ARHGEF28: variants seen among roughly 807,000 people sequenced by gnomAD.
ARHGEF28 encodes Rho guanine nucleotide exchange factor 28, also known as 190 kDa guanine nucleotide exchange factor.
In ARHGEF28, 152 loss-of-function variants were observed where a neutral mutation model predicts 206.6. That is an observed-to-expected ratio of 0.74 (90% confidence interval 0.64 to 0.84). The LOEUF (loss-of-function observed/expected upper bound fraction) is 0.84. Among genes scored for constraint, ARHGEF28 ranks in the 40% least tolerant of loss-of-function variants. ARHGEF28 has a pLI of 0.00. For missense variants in ARHGEF28, 2,028 were observed against 2,073.2 expected, an observed-to-expected ratio of 0.98 and a Z score of 0.42; for synonymous variants, 763 against 776.4, an observed-to-expected ratio of 0.98 and a Z score of 0.29.
chr5:73,768,181 G>T (rs1272697881), intron 4 of ARHGEF28, among the ~76,000 whole-genome samples: 1 of 151,980 alleles, frequency 6.6e-6, no homozygotes, highest in Non-Finnish European at 1.5e-5. Context: ...CCTCTGCTAG[G>T]GTAGTGTGGA....
Position 73,938,160 on chromosome 5 carries a change from CCACACACACACACACACACA to C in ARHGEF28, c.4949-2663_4949-2644del, listed in dbSNP as rs199804024. ...GTTCTGATTAAACTTCTACACTACACCACACACACACACACACACACACACACACACACACACACAACTCC... is the reference window on the plus strand; with the variant it reads ...GTTCTGATTAAACTTCTACACTACACCACACACACACACACACACAACTCC... On this transcript the variant is annotated intron_variant, in intron 35 of 35. Coordinates refer to ENST00000513042, the MANE Select transcript of ARHGEF28 (RefSeq NM_001177693.2). Among the ~76,000 whole-genome samples the C allele has an allele frequency of 4.9e-4, 69 of 139,644 alleles. No individual in the cohort carries two copies. In the Middle Eastern group the frequency reaches 0.026, roughly 53 times the overall value. The allele number at this position is 139,644 out of a possible 152,430, so 91.6% of individuals were successfully genotyped here.
intron 35 of ARHGEF28, among the ~76,000 whole-genome samples, chr5:73,918,323 A>T (rs1763328259): frequency 6.6e-6 from 1 of 152,166 alleles, no homozygotes; most frequent in African/African-American, 2.4e-5. Flanking sequence ...GTTCCAGTGA[A>T]CTTTCTAAAA....
Position 73,846,278 on chromosome 5 carries a change from GA to G in ARHGEF28, c.1439del (p.Asp480ValfsTer87). 3 of 1,612,926 alleles carry G rather than the reference GA, an allele frequency of 1.9e-6. No individual in the cohort carries two copies. The highest frequency in any genetic ancestry group is 2.5e-6 in the Non-Finnish European group (3 of 1,179,594). On this transcript the variant is annotated frameshift_variant, in exon 12 of 36. Coordinates refer to ENST00000513042, the MANE Select transcript of ARHGEF28 (RefSeq NM_001177693.2). LOFTEE classifies it high-confidence loss of function. The part of the protein sequence containing the change: ...SHLKKRSSSL[D>X]ALDADSEGEG... ...GGCTTTGTGCTTTAGTTCTAGCCTT[GA>G]TGCCTTGGACGCCGACAGTGAAGGG...
intron 2 of ARHGEF28, among the ~76,000 whole-genome samples, chr5:73,698,549 C>T (rs974780387): frequency 1.3e-4 from 19 of 151,894 alleles, no homozygotes; most frequent in South Asian, 4.2e-4. Flanking sequence ...CTTTGGGAGC[C>T]TTGAAGCTTC....
intron 23 of ARHGEF28, 78 bp downstream of exon 23, chr5:73,882,672 A>C: frequency 7.7e-7 from 1 of 1,293,344 alleles, no homozygotes; most frequent in Non-Finnish European, 1.0e-6. Flanking sequence ...TAATGATTTA[A>C]ACAAATTTCT....
chr5:73,931,858 G>T (rs1217636200), intron 35 of ARHGEF28, among the ~76,000 whole-genome samples: 1 of 152,098 alleles, frequency 6.6e-6, no homozygotes, highest in African/African-American at 2.4e-5. Context: ...ATTGGCGTGG[G>T]ATTGAATCAA....
intron 9 of ARHGEF28, among the ~76,000 whole-genome samples, chr5:73,800,701 G>C (rs1219635909): frequency 6.6e-6 from 1 of 152,112 alleles, no homozygotes; most frequent in African/African-American, 2.4e-5. Context: ...GAAGGAAGCA[G>C]AAACAAACAA....
intron 17 of ARHGEF28, 27 bp from the exon 18 acceptor site, chr5:73,865,938 T>A: frequency 6.7e-7 from 1 of 1,501,454 alleles, no homozygotes; most frequent in Non-Finnish European, 9.2e-7. Context: ...TGATCTTACT[T>A]TATGTGTTTC....
At chr5:73,740,741 C>A (rs1234107852) in intron 2 of ARHGEF28, among the ~76,000 whole-genome samples, 1 of 152,138 alleles carries the variant, frequency 6.6e-6, no homozygotes, top group Non-Finnish European at 1.5e-5. Flanking sequence ...GTGTTGTCAG[C>A]TTTGTCTATA....
intron 33 of ARHGEF28, 60 bp from the exon 34 acceptor site, chr5:73,909,352 G>A (rs143848003): frequency 4.7e-5 from 72 of 1,522,096 alleles, no homozygotes; most frequent in Non-Finnish European, 5.6e-5. Flanking sequence ...CCAACCGAAA[G>A]GGTAAACAAT....
chr5:73,712,550 C>T (rs1017584709), intron 2 of ARHGEF28, among the ~76,000 whole-genome samples: 1 of 152,178 alleles, frequency 6.6e-6, no homozygotes, highest in East Asian at 1.9e-4. Flanking sequence ...AAAGCTGTGC[C>T]AGCCTTCTGC....
chr5:73,717,753 C>T (rs978707388), intron 2 of ARHGEF28, among the ~76,000 whole-genome samples: 1 of 152,066 alleles, frequency 6.6e-6, no homozygotes, highest in Admixed American at 6.5e-5. Flanking sequence ...AGTGTATAAG[C>T]CTTTGAAAGA....
chr5:73,748,015 ATTTG>A (rs1159112254), intron 2 of ARHGEF28, among the ~76,000 whole-genome samples: 2 of 152,148 alleles, frequency 1.3e-5, no homozygotes, highest in East Asian at 3.9e-4. Context: ...TGTTTATATA[ATTTG>A]TTTTTTTATT....
intron 1 of ARHGEF28, among the ~76,000 whole-genome samples, chr5:73,646,865 A>T (rs1335034294): frequency 1.3e-5 from 2 of 151,580 alleles, no homozygotes; most frequent in Non-Finnish European, 2.9e-5. Context: ...TGGCTCATCT[A>T]TGAGGCTATC....
At chr5:73,795,699 C>T (rs1754760223) in intron 9 of ARHGEF28, among the ~76,000 whole-genome samples, 1 of 152,166 alleles carries the variant, frequency 6.6e-6, no homozygotes, top group Non-Finnish European at 1.5e-5. Flanking sequence ...TAGGCACTAC[C>T]AGTCTCAGGT....
At chr5:73,906,713 G>T (rs758448150) in intron 33 of ARHGEF28, among the ~76,000 whole-genome samples, 1 of 152,000 alleles carries the variant, frequency 6.6e-6, no homozygotes, top group Non-Finnish European at 1.5e-5. Context: ...TCTTCATATG[G>T]TATGATATGC....
intron 2 of ARHGEF28, among the ~76,000 whole-genome samples, chr5:73,722,377 A>G (rs1750012543): frequency 6.6e-6 from 1 of 152,266 alleles, no homozygotes; most frequent in Non-Finnish European, 1.5e-5. Context: ...AAAGCTGCAC[A>G]GCTATTTACC....
chr5:73,848,939 T>C (rs890893124), intron 12 of ARHGEF28, 37 bp from the exon 13 acceptor site: 2 of 1,390,270 alleles, frequency 1.4e-6, no homozygotes, highest in African/African-American at 2.9e-5. Flanking sequence ...TCAGACCATG[T>C]ATAAATTTTT....
In ARHGEF28 at chr5:73,753,116, C is replaced by T. The variant is rs372249720; in HGVS notation, c.389C>T (p.Pro130Leu). ...TTTGCCTTGACGGCAGGAGCACTGC[C>T]TGCCTTGGATGAGGAGCTCGTGCTG... ...TPFALTAGAL[P>L]ALDEELVLAL... Residue 130 changes from proline to leucine, a missense_variant, in exon 4 of 36, where the codon CCT becomes CTT. By Grantham distance (98) the Pro-to-Leu change is moderately conservative. Around this residue, in one of 3 missense-constraint regions of ARHGEF28, gnomAD observed 1,002 missense variants for 1,015.3 expected, o/e 0.99. Coordinates refer to ENST00000513042, the MANE Select transcript of ARHGEF28 (RefSeq NM_001177693.2). The T allele has an allele frequency of 5.0e-6, 8 of 1,589,084 alleles. No homozygotes were observed. Among genetic ancestry groups the T allele is most frequent in the Non-Finnish European group, 6.0e-6 (7 of 1,167,668 alleles).
Sources: gnomAD v4.1 joint callset for allele counts (sites outside exome capture counted in the v4.1 genomes callset) on GRCh38, gnomAD v4.1.1 for gene constraint, gnomAD v4.1.1 regional missense constraint, MANE v1.5 for transcripts, NCBI Gene and HGNC (gene_info 2026-07-23, HGNC 2026-07-21) for gene names.